PLPP1: variants seen among roughly 807,000 people sequenced by gnomAD.
The protein encoded by PLPP1 is lipid phosphate phosphohydrolase 1a.
In PLPP1, 24 loss-of-function variants were observed where a neutral mutation model predicts 31.2. The ratio of observed to expected loss-of-function variants is 0.77; its 90% CI spans 0.56 to 1.08. PLPP1 has a LOEUF of 1.08. PLPP1 is among the 50% of genes least tolerant of loss of function. The pLI is 0.00. For synonymous variants in PLPP1, 146 were observed against 126.3 expected (o/e 1.16, Z -1.05); for missense variants, 319 against 342.7 (o/e 0.93, Z 0.55).
intron 1 of PLPP1, among the ~76,000 whole-genome samples, chr5:55,503,974 G>T (rs1753205700): frequency 6.6e-6 from 1 of 151,338 alleles, no homozygotes; most frequent in African/African-American, 2.4e-5. Flanking sequence ...GGGGATTATG[G>T]ACCTCCTTAA....
At chr5:55,466,002 A>G (rs1752285286) in intron 3 of PLPP1, among the ~76,000 whole-genome samples, 1 of 152,184 alleles carries the variant, frequency 6.6e-6, no homozygotes, top group Admixed American at 6.5e-5. Context: ...TGGTGTTTTC[A>G]TCATTCCTCA....
chr5:55,488,608 T>C (rs1223732651), intron 1 of PLPP1, among the ~76,000 whole-genome samples: 4 of 151,982 alleles, frequency 2.6e-5, no homozygotes, highest in African/African-American at 9.7e-5. Context: ...ACTGTGCCAC[T>C]GCACTCCAGC....
At chr5:55,455,892 T>C (rs1751994968) in intron 3 of PLPP1, among the ~76,000 whole-genome samples, 3 of 152,176 alleles carry the variant, frequency 2.0e-5, no homozygotes, top group Admixed American at 2.0e-4. Context: ...TGTGTTTTAA[T>C]AAACCCTCCA....
rs540655260 is a variant in PLPP1, at chr5:55,458,250, A to G, written c.491+9619T>C. 3.9e-5 allele frequency among the ~76,000 whole-genome samples: 6 copies of G among 152,332 alleles called. No individual in the cohort carries two copies. The South Asian group carries it at 1.0e-3, about 26-fold the overall frequency. ...TGCCAAAAGGATGAAAATGAGTAACAAATGGTCAGCATGCAAAAGCTTGGA... is the reference window on the plus strand; with the variant it reads ...TGCCAAAAGGATGAAAATGAGTAACGAATGGTCAGCATGCAAAAGCTTGGA... On this transcript the variant is annotated intron_variant, in intron 3 of 5. Transcript: ENST00000307259.
intron 1 of PLPP1, among the ~76,000 whole-genome samples, chr5:55,502,344 A>G (rs537415270): frequency 6.6e-6 from 1 of 152,276 alleles, no homozygotes; most frequent in African/African-American, 2.4e-5. Context: ...AAAATTAGCC[A>G]GGCATGGTGG....
chr5:55,483,258 T>C (rs1036288758), intron 1 of PLPP1, among the ~76,000 whole-genome samples: 1 of 152,230 alleles, frequency 6.6e-6, no homozygotes, highest in Non-Finnish European at 1.5e-5. Context: ...GTAATATTTA[T>C]AGTGAAAATC....
intron 1 of PLPP1, chr5:55,530,479 A>T: frequency 8.2e-7 from 1 of 1,222,172 alleles, no homozygotes; most frequent in South Asian, 1.2e-5. Flanking sequence ...GTGTTATCAG[A>T]TGTGGATGTT....
intron 1 of PLPP1, among the ~76,000 whole-genome samples, chr5:55,491,418 G>A (rs1212801349): frequency 1.3e-5 from 2 of 152,234 alleles, no homozygotes; most frequent in African/African-American, 4.8e-5. Context: ...ATAAAGCTGA[G>A]AAAACAGGAA....
intron 2 of PLPP1, among the ~76,000 whole-genome samples, chr5:55,471,195 A>C (rs1752405892): frequency 6.7e-6 from 1 of 150,086 alleles, no homozygotes; most frequent in African/African-American, 2.5e-5. Flanking sequence ...TTGTTTCATC[A>C]GATCAGATTT....
chr5:55,481,209 T>C (rs1346540), intron 1 of PLPP1, among the ~76,000 whole-genome samples: 129,681 of 151,700 alleles, frequency 0.85, 55,907 homozygotes, highest in South Asian at 0.92. Flanking sequence ...CTAACAGTTT[T>C]ATTTAGAAAT....
intron 1 of PLPP1, among the ~76,000 whole-genome samples, chr5:55,507,557 C>A (rs1040554404): frequency 2.0e-5 from 3 of 152,152 alleles, no homozygotes; most frequent in Non-Finnish European, 4.4e-5. Context: ...TTTACTTAAC[C>A]CCCACCTTAT....
At chr5:55,440,372 G>A (rs1454725382) in intron 4 of PLPP1, among the ~76,000 whole-genome samples, 2 of 152,160 alleles carry the variant, frequency 1.3e-5, no homozygotes, top group East Asian at 1.9e-4. Flanking sequence ...TCAGCCTTCC[G>A]GGTCTGCCCT....
At chr5:55,436,777 T>G (rs1368370841) in intron 4 of PLPP1, among the ~76,000 whole-genome samples, 1 of 152,196 alleles carries the variant, frequency 6.6e-6, no homozygotes, top group African/African-American at 2.4e-5. Context: ...AAATTCAACA[T>G]CTGTGATACT....
chr5:55,524,135 T>C (rs561928984), intron 1 of PLPP1, among the ~76,000 whole-genome samples: 5 of 152,220 alleles, frequency 3.3e-5, no homozygotes, highest in African/African-American at 4.8e-5. Flanking sequence ...GAGTTTAACA[T>C]ATGTCACAAT....
intron 1 of PLPP1, among the ~76,000 whole-genome samples, chr5:55,520,289 G>C (rs377578413): frequency 6.6e-6 from 1 of 152,144 alleles, no homozygotes; most frequent in Non-Finnish European, 1.5e-5. Flanking sequence ...CATGATCTGG[G>C]CACCAGGAAC....
chr5:55,516,246 C>T (rs1357505682), intron 1 of PLPP1, among the ~76,000 whole-genome samples: 1 of 152,152 alleles, frequency 6.6e-6, no homozygotes, highest in Non-Finnish European at 1.5e-5. Context: ...TTTAGTCTCA[C>T]TGCCTGCCTC....
intron 1 of PLPP1, among the ~76,000 whole-genome samples, chr5:55,526,423 C>A (rs541007571): frequency 1.4e-4 from 22 of 152,302 alleles, no homozygotes; most frequent in Non-Finnish European, 2.8e-4. Flanking sequence ...CTCCAAGCCT[C>A]TGCTTTTGTT....
At chr5:55,525,447 T>G (rs1307343789) in intron 1 of PLPP1, among the ~76,000 whole-genome samples, 2 of 150,920 alleles carry the variant, frequency 1.3e-5, no homozygotes, top group Non-Finnish European at 2.9e-5. Context: ...AGAAAATACA[T>G]AGACTAGTTT....
intron 3 of PLPP1, among the ~76,000 whole-genome samples, chr5:55,445,613 G>C (rs1313092774): frequency 7.6e-6 from 1 of 131,868 alleles, no homozygotes; most frequent in Non-Finnish European, 1.5e-5. Context: ...GGCCCAATCT[G>C]AGCTCACTGC....
Sources: allele counts gnomAD v4.1 joint callset (sites outside exome capture counted in the v4.1 genomes callset), GRCh38; gene constraint gnomAD v4.1.1; transcripts MANE v1.5; gene names NCBI Gene and HGNC (gene_info 2026-07-23, HGNC 2026-07-21).